BPI: variants seen among roughly 807,000 people sequenced by gnomAD.
The protein encoded by BPI is bactericidal permeability-increasing protein.
Under a neutral mutation model 57.6 loss-of-function variants are expected in BPI, and 48 were observed. The ratio of observed to expected loss-of-function variants is 0.83; its 90% CI spans 0.66 to 1.06. The LOEUF (loss-of-function observed/expected upper bound fraction) is 1.06. Ranked by LOEUF, BPI falls within the 50% of genes least tolerant of loss-of-function variation. The pLI is 0.00. For missense variants in BPI, 651 were observed against 609.7 expected (o/e 1.07, Z -0.71); for synonymous variants, 237 against 238.2 (o/e 0.99, Z 0.05).
rs770622158 is a variant in BPI, at chr20:38,318,432, A to G, written c.620A>G (p.Asn207Ser). ...MNSQVCEKVT[N>S]SVSSELQPYF... Reference sequence around the variant, plus strand: ...CCCCAGGTCTGCGAGAAAGTGACCAATTCTGTATCCTCCGAGCTGCAACCT... The same window carrying G: ...CCCCAGGTCTGCGAGAAAGTGACCAGTTCTGTATCCTCCGAGCTGCAACCT... The change falls in exon 6 of 15, where the codon AAT becomes AGT. Residue 207 changes from asparagine to serine, a missense_variant. Asn to Ser is a conservative substitution (Grantham distance 46). Transcript: ENST00000642449. The G allele has an allele frequency of 7.4e-6, 12 of 1,613,734 alleles. No individual in the cohort carries two copies. Among genetic ancestry groups the G allele is most frequent in the Non-Finnish European group, 1.0e-5 (12 of 1,179,756 alleles).
At chr20:38,323,671 C>T (rs1459941482) in intron 7 of BPI, among the ~76,000 whole-genome samples, 199 bp from the exon 8 acceptor site, 1 of 152,214 alleles carries the variant, frequency 6.6e-6, no homozygotes, top group Non-Finnish European at 1.5e-5. Flanking sequence ...ATAATTATAC[C>T]TGCCTTCCCA....
chr20:38,336,442 C>T (rs1000046071), intron 14 of BPI, among the ~76,000 whole-genome samples: 2 of 152,054 alleles, frequency 1.3e-5, no homozygotes, highest in Non-Finnish European at 2.9e-5. Flanking sequence ...TGTCTCCACC[C>T]TGAGGCCTCT....
chr20:38,328,701 A>C (rs2076726486), intron 11 of BPI, among the ~76,000 whole-genome samples: 1 of 152,082 alleles, frequency 6.6e-6, no homozygotes, highest in South Asian at 2.1e-4. Context: ...GAAATGCAGA[A>C]AGAGAGAAAT....
At chr20:38,325,469 T>C (rs2076707845) in intron 9 of BPI, among the ~76,000 whole-genome samples, 1 of 152,208 alleles carries the variant, frequency 6.6e-6, no homozygotes, top group Non-Finnish European at 1.5e-5. Context: ...CACAGGGCCT[T>C]TTCTCAATGC....
At chr20:38,325,078 T>A (rs558962710) in intron 9 of BPI, among the ~76,000 whole-genome samples, 5 of 152,154 alleles carry the variant, frequency 3.3e-5, no homozygotes, top group Non-Finnish European at 7.4e-5. Context: ...AATAAATTCT[T>A]ATTGAATGCC....
chr20:38,305,300 C>T (rs1049603703), intron 1 of BPI, among the ~76,000 whole-genome samples: 3 of 152,160 alleles, frequency 2.0e-5, no homozygotes, highest in African/African-American at 7.2e-5. Flanking sequence ...GGCCCTGAAG[C>T]CTGTCGACAC....
intron 7 of BPI, among the ~76,000 whole-genome samples, chr20:38,320,872 T>C (rs2076678383): frequency 6.5e-5 from 3 of 46,032 alleles, no homozygotes; most frequent in African/African-American, 1.8e-4. Context: ...TATGGATGGA[T>C]GGGTAGGTGG....
intron 11 of BPI, among the ~76,000 whole-genome samples, 159 bp downstream of exon 11, chr20:38,327,814 A>G (rs5743531): frequency 2.0e-5 from 3 of 152,084 alleles, no homozygotes; most frequent in Admixed American, 1.3e-4. Flanking sequence ...CAGTATCCCC[A>G]TTTTGCAGAC....
At chr20:38,322,962 G>C (rs1302991866) in intron 7 of BPI, among the ~76,000 whole-genome samples, 1 of 152,126 alleles carries the variant, frequency 6.6e-6, no homozygotes, top group Non-Finnish European at 1.5e-5. Flanking sequence ...GGTTATGTTT[G>C]TTAATTTTAA....
At chr20:38,331,545 C>T (rs2076742593) in intron 12 of BPI, among the ~76,000 whole-genome samples, 1 of 152,078 alleles carries the variant, frequency 6.6e-6, no homozygotes, top group African/African-American at 2.4e-5. Flanking sequence ...GGGAAGACAG[C>T]ACAATAAGAA....
intron 7 of BPI, among the ~76,000 whole-genome samples, chr20:38,320,831 GTGGA>G (rs566042713): frequency 1.4e-5 from 2 of 141,792 alleles, no homozygotes; most frequent in Admixed American, 7.1e-5. Flanking sequence ...TGTTGGATGG[GTGGA>G]TGGATGGATG....
chr20:38,331,289 G>T (rs1265326439), intron 12 of BPI, among the ~76,000 whole-genome samples, 199 bp downstream of exon 12: 2 of 152,178 alleles, frequency 1.3e-5, no homozygotes, highest in African/African-American at 4.8e-5. Context: ...TAACTGTGAG[G>T]CCTTGGGCAA....
In BPI at chr20:38,311,956, C is replaced by T; in HGVS notation, c.600+19C>T. 2 of 1,612,634 alleles carry T rather than the reference C, an allele frequency of 1.2e-6. No homozygotes were observed. The highest frequency in any genetic ancestry group is 1.7e-6 in the Non-Finnish European group (2 of 1,178,962). On this transcript the variant is annotated intron_variant, in intron 5 of 14. Coordinates refer to ENST00000642449, the MANE Select transcript of BPI (RefSeq NM_001725.3). ...CAGCCAGGTAGGAGGGGCTCAGAGC[C>T]CCATCAGCAAACAGAGGAGAAGGGC...
chr20:38,323,377 C>T (rs2122539836), intron 7 of BPI, among the ~76,000 whole-genome samples: 1 of 152,332 alleles, frequency 6.6e-6, no homozygotes, highest in South Asian at 2.1e-4. Flanking sequence ...TCACCAAACA[C>T]TGGGTAGCAT....
In BPI at chr20:38,314,455, T is replaced by C. The variant is rs572606480; in HGVS notation, c.600+2518T>C. Among the ~76,000 whole-genome samples the C allele has an allele frequency of 2.4e-4, 35 of 147,940 alleles. 1 individual carries two copies. Among genetic ancestry groups the C allele is most frequent in the African/African-American group, 8.4e-4 (33 of 39,306 alleles). On this transcript the variant is annotated intron_variant, in intron 5 of 14. Coordinates refer to ENST00000642449, the MANE Select transcript of BPI (RefSeq NM_001725.3). ...ATGGTGGGGATGATTATAATGATGA[T>C]GGTGATGGTGGGGATGATGATAATG...
In BPI at chr20:38,324,716, C is replaced by G. The variant is rs5743517; in HGVS notation, c.934-58C>G. ...CTCTCACCCCGATACAGAACTCACCCCCTCTGCTCCGTCTGTAACAGCATC... is the reference window on the plus strand; with the variant it reads ...CTCTCACCCCGATACAGAACTCACCGCCTCTGCTCCGTCTGTAACAGCATC... On this transcript the variant is annotated intron_variant, in intron 8 of 14. Transcript: ENST00000642449. 2.6e-3 allele frequency: 3,621 copies of G among 1,406,018 alleles called. 80 individuals carry two copies. In the African/African-American group the frequency reaches 0.047, roughly 18 times the overall value. The allele number at this position is 1,406,018 out of a possible 1,614,324, so 87.1% of individuals were successfully genotyped here.
In BPI at chr20:38,320,334, C is replaced by T. The variant is rs1325416481; in HGVS notation, c.756+60C>T. On this transcript the variant is annotated intron_variant, in intron 7 of 14. Coordinates refer to ENST00000642449, the MANE Select transcript of BPI (RefSeq NM_001725.3). ...CCTCTGTCTCAGACACTCCAGGGCT[C>T]CCCAGTCCTTGGAAACAAACTTAAC... 6 of 1,486,664 alleles carry T rather than the reference C, an allele frequency of 4.0e-6. No homozygotes were observed. The East Asian group carries it at 1.2e-4, about 29-fold the overall frequency. 92.1% of individuals were successfully genotyped at this position (1,486,664 alleles called of 1,614,324 possible).
intron 6 of BPI, 120 bp downstream of exon 6, chr20:38,318,596 G>T (rs1383343212): frequency 1.2e-5 from 12 of 1,035,914 alleles, no homozygotes; most frequent in Non-Finnish European, 1.8e-5. Context: ...GGGTGGGAAT[G>T]AGCAGAGTAG....
intron 5 of BPI, among the ~76,000 whole-genome samples, chr20:38,317,132 G>A (rs1009225247): frequency 6.6e-6 from 1 of 152,282 alleles, no homozygotes; most frequent in African/African-American, 2.4e-5. Flanking sequence ...GATTACTGAG[G>A]GAAAGGTCAT....
Sources: allele counts gnomAD v4.1 joint callset (sites outside exome capture counted in the v4.1 genomes callset), GRCh38; gene constraint gnomAD v4.1.1; transcripts MANE v1.5; gene names NCBI Gene and HGNC (gene_info 2026-07-23, HGNC 2026-07-21).